The following STK38 variants were observed in gnomAD, a reference collection of about 807,000 sequenced individuals.
STK38 encodes serine/threonine-protein kinase 38.
Under a neutral mutation model 59.0 loss-of-function variants are expected in STK38, and 26 were observed. The observed-to-expected ratio is 0.44, with a 90% CI of 0.32 to 0.61. STK38 has a LOEUF of 0.61. STK38 is among the 20% of genes least tolerant of loss of function. STK38 has a pLI of 0.04. For synonymous variants in STK38, 175 were observed against 176.6 expected (o/e 0.99, Z 0.07); for missense variants, 433 against 566.0 (o/e 0.76, Z 2.38).
At chr6:36,529,893 T>A (rs1274456167) in intron 2 of STK38, among the ~76,000 whole-genome samples, 2 of 152,128 alleles carry the variant, frequency 1.3e-5, no homozygotes, top group Non-Finnish European at 2.9e-5. Flanking sequence ...CCACCCTAAT[T>A]GAAAACAGAC....
At chr6:36,543,471 A>G (rs1777989089) in intron 1 of STK38, among the ~76,000 whole-genome samples, 2 of 152,018 alleles carry the variant, frequency 1.3e-5, no homozygotes, top group Non-Finnish European at 2.9e-5. Context: ...GAGGCTGAAC[A>G]CTGTGGTTCA....
rs1488968524 is a variant in STK38, at chr6:36,521,316, A to G, written c.390+418T>C. 2.0e-5 allele frequency among the ~76,000 whole-genome samples: 3 copies of G among 152,172 alleles called. No individual in the cohort carries two copies. In the South Asian group the frequency reaches 6.2e-4, roughly 31 times the overall value. On this transcript the variant is annotated intron_variant, in intron 5 of 13. Coordinates refer to ENST00000229812, the MANE Select transcript of STK38 (RefSeq NM_007271.4). ...GGTAAACAGAATGAAGCATATAAAGACACATTTTAGATTATAAATTCCAAA... is the reference window on the plus strand; with the variant it reads ...GGTAAACAGAATGAAGCATATAAAGGCACATTTTAGATTATAAATTCCAAA...
chr6:36,536,978 T>C (rs1335479464), intron 2 of STK38, among the ~76,000 whole-genome samples: 1 of 151,694 alleles, frequency 6.6e-6, no homozygotes, highest in Non-Finnish European at 1.5e-5. Context: ...GTTAACAAGA[T>C]GAGCAAGAAA....
At chr6:36,518,609 G>A (rs879554967) in intron 5 of STK38, among the ~76,000 whole-genome samples, 2 of 152,114 alleles carry the variant, frequency 1.3e-5, no homozygotes, top group African/African-American at 4.8e-5. Context: ...TCCGGCTAGA[G>A]TGCAGTGGCG....
chr6:36,508,813 C>T (rs1777031610), intron 7 of STK38, among the ~76,000 whole-genome samples: 1 of 152,224 alleles, frequency 6.6e-6, no homozygotes, highest in South Asian at 2.1e-4. Context: ...CTGCACACAG[C>T]CAGGCAGAGC....
intron 4 of STK38, among the ~76,000 whole-genome samples, chr6:36,524,004 T>C (rs1377394965): frequency 6.6e-6 from 1 of 152,182 alleles, no homozygotes; most frequent in African/African-American, 2.4e-5. Context: ...TTTAGAGTCT[T>C]AATTTCACCA....
At chr6:36,535,133 G>A (rs74722647) in intron 2 of STK38, among the ~76,000 whole-genome samples, 8,092 of 152,156 alleles carry the variant, frequency 0.053, 303 homozygotes, top group South Asian at 0.14. Context: ...AAACACTGTT[G>A]AGAAAAACTA....
chr6:36,509,370 G>A (rs796524124), intron 7 of STK38, among the ~76,000 whole-genome samples: 28 of 152,210 alleles, frequency 1.8e-4, no homozygotes, highest in African/African-American at 5.8e-4. Context: ...GCCGGGGTTC[G>A]GTAAGGGTGG....
intron 5 of STK38, among the ~76,000 whole-genome samples, chr6:36,521,294 A>G (rs1413736602): frequency 6.6e-6 from 1 of 152,170 alleles, no homozygotes; most frequent in Non-Finnish European, 1.5e-5. Flanking sequence ...TGGTTTAGGT[A>G]AACAGAATGA....
chr6:36,497,840 G>A lies in STK38; in HGVS notation c.1112C>T (p.Pro371Leu), dbSNP rs767953815. The A allele has an allele frequency of 6.2e-7, 1 of 1,613,764 alleles. No homozygotes were observed. The highest frequency in any genetic ancestry group is 2.2e-5 in the East Asian group (1 of 44,876). The change falls in exon 12 of 14, where the codon CCT (proline) becomes CTT (leucine). Residue 371 changes from proline (P) to leucine (L), a missense_variant. Pro to Leu is a moderately conservative substitution (Grantham distance 98). Coordinates refer to ENST00000229812, the MANE Select transcript of STK38 (RefSeq NM_007271.4). ...CCEWEHRIGA[P>L]GVEEIKSNSF... ...GTTACTTTTTATTTCCTCAACTCCA[G>A]GAGCTCCAATTCTATGTTCCCATTC...
At chr6:36,521,703 A>C in intron 5 of STK38, 31 bp downstream of exon 5, 1 of 1,502,742 alleles carries the variant, frequency 6.7e-7, no homozygotes, top group Non-Finnish European at 8.9e-7. Context: ...AAAATTAATA[A>C]GCTAAAAGCA....
intron 2 of STK38, among the ~76,000 whole-genome samples, chr6:36,526,220 GTTTTTTTT>G (rs60509165): frequency 7.7e-6 from 1 of 130,470 alleles, no homozygotes; most frequent in Non-Finnish European, 1.7e-5. Flanking sequence ...GGTTTTGGGT[GTTTTTTTT>G]TTTTTTTTTT....
chr6:36,518,257 G>C (rs1015807297), intron 5 of STK38, among the ~76,000 whole-genome samples: 2 of 152,194 alleles, frequency 1.3e-5, no homozygotes, highest in African/African-American at 4.8e-5. Context: ...TGCAACAACA[G>C]TGAGCTCACT....
At position 36,495,612 on chromosome 6, in the gene STK38, T is replaced by C. The variant is rs1776682342; in HGVS notation, c.*172A>G. ...TAGAAATGGTTGTCTTTGTTTACAG[T>C]TTTTCAGATGCATTATGGAAGAAAA... On this transcript the variant is annotated 3_prime_UTR_variant, in exon 14 of 14. Transcript: ENST00000229812. 2 of 785,692 alleles carry C rather than the reference T, an allele frequency of 2.5e-6. No individual in the cohort carries two copies. Among genetic ancestry groups the C allele is most frequent in the Admixed American group, 3.1e-5 (1 of 32,212 alleles). 48.7% of individuals were successfully genotyped at this position (785,692 alleles called of 1,614,324 possible).
chr6:36,527,323 T>TATGTATATACGTATATATACACAC (rs1777553908), intron 2 of STK38, among the ~76,000 whole-genome samples: 1 of 81,490 alleles, frequency 1.2e-5, no homozygotes, highest in South Asian at 3.6e-4. Flanking sequence ...TATACACACA[T>TATGTATATACGTATATATACACAC]ATATATACAC....
At chr6:36,529,331 T>C (rs1777612042) in intron 2 of STK38, among the ~76,000 whole-genome samples, 3 of 152,208 alleles carry the variant, frequency 2.0e-5, no homozygotes, top group Admixed American at 6.5e-5. Flanking sequence ...CCTAAAATTA[T>C]TAAATCTGAG....
intron 2 of STK38, among the ~76,000 whole-genome samples, chr6:36,527,207 A>AAAAAAAAAAAAAAAATATATATAT (rs60162863): frequency 8.4e-6 from 1 of 119,356 alleles, no homozygotes; most frequent in African/African-American, 3.5e-5. Context: ...AAAAAAAAAA[A>AAAAAAAAAAAAAAAATATATATAT]ATATATGTAT....
intron 7 of STK38, among the ~76,000 whole-genome samples, chr6:36,513,898 G>A (rs1306372894): frequency 7.0e-6 from 1 of 143,414 alleles, no homozygotes; most frequent in South Asian, 2.3e-4. Context: ...GCTCACGCCT[G>A]TAATCCCAGC....
chr6:36,496,063 T>TG, intron 13 of STK38, 149 bp from the exon 14 acceptor site: 1 of 746,368 alleles, frequency 1.3e-6, no homozygotes, highest in Admixed American at 3.1e-5. Flanking sequence ...TTTTTTTTTT[T>TG]GAGACAGAGT....
Sources: gnomAD v4.1 joint callset for allele counts (sites outside exome capture counted in the v4.1 genomes callset) on GRCh38, gnomAD v4.1.1 for gene constraint, MANE v1.5 for transcripts, NCBI Gene and HGNC (gene_info 2026-07-23, HGNC 2026-07-21) for gene names.